Variants in KLRG1 observed in about 807,000 individuals in gnomAD.
The protein encoded by KLRG1 is killer cell lectin-like receptor subfamily G member 1.
In KLRG1, 16 loss-of-function variants were observed where a neutral mutation model predicts 21.8. The observed-to-expected ratio is 0.73, with a 90% CI of 0.50 to 1.11. The LOEUF (loss-of-function observed/expected upper bound fraction) is 1.11, where lower values mean the gene tolerates loss of function less well. KLRG1 is among the 50% of genes most tolerant of loss of function. The pLI, the probability that KLRG1 is intolerant of heterozygous loss-of-function variation, is 0.00. For missense variants in KLRG1, 173 were observed against 218.3 expected, an observed-to-expected ratio of 0.79 and a Z score of 1.31; for synonymous variants, 69 against 75.9, an observed-to-expected ratio of 0.91 and a Z score of 0.47.
chr12:9,080,876 A>C, the KLRG1 span, among the ~76,000 whole-genome samples: 4 of 152,196 alleles, frequency 2.6e-5, no homozygotes, highest in Non-Finnish European at 5.9e-5. Context: ...GTTTCTTAAA[A>C]AAAAGCCATA....
chr12:9,068,673 AT>A, the KLRG1 span: 1 of 1,273,076 alleles, frequency 7.9e-7, no homozygotes, highest in East Asian at 2.5e-5. Context: ...ACCCCAACAC[AT>A]CTCCTAAACC....
At chr12:9,093,274 G>A in the KLRG1 span, among the ~76,000 whole-genome samples, 2 of 152,142 alleles carry the variant, frequency 1.3e-5, no homozygotes, top group African/African-American at 2.4e-5. Flanking sequence ...GTAACAATGT[G>A]AGCTAATGGA....
downstream of KLRG1, among the ~76,000 whole-genome samples, chr12:9,012,868 C>G (rs1383213629): frequency 2.6e-5 from 4 of 152,030 alleles, no homozygotes; most frequent in Admixed American, 1.3e-4. Flanking sequence ...TTAGTGATAG[C>G]CAGGTAGTGG....
the KLRG1 span, among the ~76,000 whole-genome samples, chr12:9,127,466 A>G: frequency 6.6e-6 from 1 of 152,184 alleles, no homozygotes; most frequent in East Asian, 1.9e-4. Flanking sequence ...ATGCAATTAA[A>G]ATTTCCGATT....
chr12:9,183,539 A>G, the KLRG1 span, among the ~76,000 whole-genome samples: 1 of 152,154 alleles, frequency 6.6e-6, no homozygotes, highest in Admixed American at 6.5e-5. Context: ...AGCTGGGACT[A>G]TAGGTGCACA....
the KLRG1 span, chr12:9,115,646 A>G: frequency 2.7e-6 from 2 of 747,832 alleles, no homozygotes; most frequent in Non-Finnish European, 4.5e-6. Flanking sequence ...TCTGGAAGGA[A>G]TCTTAGAGAT....
At chr12:9,039,545 T>C in the KLRG1 span, among the ~76,000 whole-genome samples, 3 of 152,230 alleles carry the variant, frequency 2.0e-5, no homozygotes. Flanking sequence ...GATGTCTTAC[T>C]ACACATTATT....
the KLRG1 span, among the ~76,000 whole-genome samples, chr12:9,073,819 G>A: frequency 1.3e-5 from 2 of 152,082 alleles, no homozygotes; most frequent in Non-Finnish European, 2.9e-5. Flanking sequence ...TGGACGCAGT[G>A]GCTCACACCT....
At chr12:9,003,350 C>T (rs1302459210) in intron 3 of KLRG1, among the ~76,000 whole-genome samples, 4 of 151,744 alleles carry the variant, frequency 2.6e-5, no homozygotes, top group Non-Finnish European at 5.9e-5. Flanking sequence ...TTTATTTTTT[C>T]AAATATTTAG....
At chr12:9,169,433 G>A in the KLRG1 span, 1 of 1,591,200 alleles carries the variant, frequency 6.3e-7, no homozygotes, top group Non-Finnish European at 8.5e-7. Flanking sequence ...ATTTTACCTT[G>A]AGGAAGCTAT....
the KLRG1 span, among the ~76,000 whole-genome samples, chr12:9,146,667 C>G: frequency 6.6e-6 from 1 of 152,176 alleles, no homozygotes; most frequent in East Asian, 1.9e-4. Context: ...TATCAATCAG[C>G]CTTGTTGGAG....
intron 1 of KLRG1, among the ~76,000 whole-genome samples, chr12:8,955,556 A>AT (rs771850463): frequency 8.0e-5 from 12 of 150,022 alleles, no homozygotes; most frequent in Admixed American, 2.7e-4. Flanking sequence ...TGCTAGGATA[A>AT]TTTTTTTTTA....
At chr12:9,168,493 T>C in the KLRG1 span, 1,744 of 176,844 alleles carry the variant, frequency 9.9e-3, 29 homozygotes, top group African/African-American at 0.039. Context: ...GTTCACGTTG[T>C]TTCTTGTCAC....
chr12:9,131,523 A>G, the KLRG1 span, among the ~76,000 whole-genome samples: 1 of 152,038 alleles, frequency 6.6e-6, no homozygotes, highest in South Asian at 2.1e-4. Context: ...TTTTTGAGGT[A>G]TAGTCTGTAA....
chr12:9,071,711 G>C, the KLRG1 span, among the ~76,000 whole-genome samples: 3 of 152,088 alleles, frequency 2.0e-5, no homozygotes, highest in African/African-American at 7.2e-5. Context: ...TTCCATTCCT[G>C]TGCTAGTTTG....
At chr12:8,957,010 C>T (rs2137203437) in intron 1 of KLRG1, among the ~76,000 whole-genome samples, 1 of 152,332 alleles carries the variant, frequency 6.6e-6, no homozygotes, top group African/African-American at 2.4e-5. Flanking sequence ...GGAGCCAGCC[C>T]AGTGGTCACG....
chr12:9,029,904 A>T, the KLRG1 span, among the ~76,000 whole-genome samples: 1 of 151,876 alleles, frequency 6.6e-6, no homozygotes, highest in Non-Finnish European at 1.5e-5. Context: ...TTACAGGCAC[A>T]GGCCACCACA....
chr12:9,019,778 G>T, the KLRG1 span, among the ~76,000 whole-genome samples: 321 of 152,198 alleles, frequency 2.1e-3, 1 homozygote, highest in Non-Finnish European at 4.0e-3. Context: ...AGAGATGGGG[G>T]TCTCACTGTG....
chr12:9,088,025 A>C, the KLRG1 span, among the ~76,000 whole-genome samples: 25 of 152,270 alleles, frequency 1.6e-4, no homozygotes, highest in Non-Finnish European at 2.8e-4. Flanking sequence ...GCTTAAAAGC[A>C]ATTCCAAGGA....
Sources: allele counts gnomAD v4.1 joint callset (sites outside exome capture counted in the v4.1 genomes callset), GRCh38; gene constraint gnomAD v4.1.1; transcripts MANE v1.5; gene names NCBI Gene and HGNC (gene_info 2026-07-23, HGNC 2026-07-21).